PHF3: variants seen among roughly 807,000 people sequenced by gnomAD.
The protein encoded by PHF3 is PHD finger protein 3.
A neutral mutation model predicts 178.4 loss-of-function variants in PHF3; 41 were observed. That is an observed-to-expected ratio of 0.23 (90% CI 0.18 to 0.30). PHF3 has a LOEUF of 0.30. Among genes scored for constraint, PHF3 ranks in the 10% least tolerant of loss-of-function variants. The pLI, the probability that PHF3 is intolerant of heterozygous loss-of-function variation, is 1.00. For synonymous variants in PHF3, 842 were observed against 800.5 expected, an observed-to-expected ratio of 1.05 and a Z score of -0.88; for missense variants, 2,346 against 2,398.1, an observed-to-expected ratio of 0.98 and a Z score of 0.45.
chr6:63,688,748 T>A (rs1359208218), intron 4 of PHF3, among the ~76,000 whole-genome samples: 1 of 152,206 alleles, frequency 6.6e-6, no homozygotes, highest in Admixed American at 6.5e-5. Flanking sequence ...TCATGCAGGT[T>A]GCAATTTTCC....
chr6:63,713,077 G>A lies in PHF3; in HGVS notation c.5489G>A (p.Gly1830Glu). 6.2e-7 allele frequency: 1 copy of A among 1,614,000 alleles called. No homozygotes were observed. Among genetic ancestry groups the A allele is most frequent in the Middle Eastern group, 1.6e-4 (1 of 6,062 alleles). The change falls in exon 16 of 16, where the codon GGA becomes GAA. Residue 1830 changes from glycine to glutamate, a missense_variant. Gly to Glu is a moderately conservative substitution (Grantham distance 98). This residue lies in a region of PHF3 where 839 missense variants were observed against 806.9 expected (regional missense o/e 1.04). Transcript: ENST00000262043. ...AATTTTCCCCCACAAAGCATGTTTGGATTTCCACCACATTTGCCACCTCCA... is the reference window on the plus strand; with the variant it reads ...AATTTTCCCCCACAAAGCATGTTTGAATTTCCACCACATTTGCCACCTCCA... ...PPNFPPQSMF[G>E]FPPHLPPPLL... is the part of the protein sequence containing the mutation.
chr6:63,713,053 A>G lies in PHF3; in HGVS notation c.5465A>G (p.Asn1822Ser). The G allele has an allele frequency of 6.2e-7, 1 of 1,613,682 alleles. No individual in the cohort carries two copies. The highest frequency in any genetic ancestry group is 8.5e-7 in the Non-Finnish European group (1 of 1,179,914). Residue 1822 changes from asparagine to serine, a missense_variant, in exon 16 of 16, where the codon AAT becomes AGT. This residue lies in a region of PHF3 where 839 missense variants were observed against 806.9 expected (regional missense o/e 1.04). Transcript: ENST00000262043. ...GGATTTCCATTTCCAGGGCCTCCTAATTTTCCCCCACAAAGCATGTTTGGA... is the reference window on the plus strand; with the variant it reads ...GGATTTCCATTTCCAGGGCCTCCTAGTTTTCCCCCACAAAGCATGTTTGGA... ...PPGFPFPGPP[N>S]FPPQSMFGFP...
In PHF3 at chr6:63,721,783, T is replaced by G. The variant is rs200962604; in HGVS notation, c.*8075T>G. 1 of 1,542,064 alleles carries G rather than the reference T, an allele frequency of 6.5e-7. No individual in the cohort carries two copies. Among genetic ancestry groups the G allele is most frequent in the South Asian group, 1.2e-5 (1 of 82,200 alleles). On this transcript the variant is annotated 3_prime_UTR_variant, in exon 16 of 16. Coordinates refer to ENST00000262043, the MANE Select transcript of PHF3 (RefSeq NM_001370348.2). ...TGAACGGAACTATTTACTAAAGAGA[T>G]GCATAAAAAATCACCTGCAAGAAAG...
At chr6:63,702,827 G>A (rs1415184004) in intron 10 of PHF3, among the ~76,000 whole-genome samples, 188 bp downstream of exon 10, 5 of 152,196 alleles carry the variant, frequency 3.3e-5, no homozygotes, top group Non-Finnish European at 5.9e-5. Flanking sequence ...ATAGGTACCT[G>A]TTGAACAGTT....
In PHF3 at chr6:63,635,826, T is replaced by G. The variant is rs1764301115; in HGVS notation, c.-350T>G. The G allele has an allele frequency of 2.5e-6, 1 of 395,330 alleles. No individual in the cohort carries two copies. Among genetic ancestry groups the G allele is most frequent in the Non-Finnish European group, 4.5e-6 (1 of 223,952 alleles). 24.5% of individuals were successfully genotyped at this position (395,330 alleles called of 1,614,324 possible). ...CAGTGGGGTCACGTGACACGGCCCC[T>G]CTCCAGCTCCCGCGCCGCCGCCGCA... On this transcript the variant is annotated 5_prime_UTR_variant, in exon 1 of 16. Coordinates refer to ENST00000262043, the MANE Select transcript of PHF3 (RefSeq NM_001370348.2).
chr6:63,711,588 C>T lies in PHF3; in HGVS notation c.4000C>T (p.Leu1334Phe), dbSNP rs1047494433. The T allele has an allele frequency of 5.1e-6, 8 of 1,567,242 alleles. No homozygotes were observed. The highest frequency in any genetic ancestry group is 5.2e-6 in the Non-Finnish European group (6 of 1,163,894). The change falls in exon 16 of 16, where the codon CTT becomes TTT. Residue 1334 changes from leucine (L) to phenylalanine (F), a missense_variant and splice_region_variant. This residue lies in a region of PHF3 where 90 missense variants were observed against 136.6 expected (regional missense o/e 0.66). Transcript: ENST00000262043. ...TTGATGTTTTTGGTTTTATACAGGGCTTGAACTGCATAGACCTAATCTATT... is the reference window on the plus strand; with the variant it reads ...TTGATGTTTTTGGTTTTATACAGGGTTTGAACTGCATAGACCTAATCTATT... ...HPLVPFDGPG[L>F]ELHRPNLLLG...
At chr6:63,657,032 A>G (rs865784595) in intron 2 of PHF3, among the ~76,000 whole-genome samples, 28 of 151,926 alleles carry the variant, frequency 1.8e-4, no homozygotes, top group African/African-American at 6.5e-4. Flanking sequence ...TTCAATTTGG[A>G]GTGTGTTCTC....
In PHF3 at chr6:63,685,799, A is replaced by G; in HGVS notation, c.2077A>G (p.Asn693Asp). The G allele has an allele frequency of 6.2e-7, 1 of 1,613,986 alleles. No homozygotes were observed. The highest frequency in any genetic ancestry group is 8.5e-7 in the Non-Finnish European group (1 of 1,180,008). Residue 693 changes from asparagine (N) to aspartate (D), a missense_variant, in exon 4 of 16, where the codon AAC (asparagine) becomes GAC (aspartate). Transcript: ENST00000262043. ...LDEPPLFIPDNIATIRREGSD... is the reference protein window; with the variant it reads ...LDEPPLFIPDDIATIRREGSD... ...TGAGCCACCATTGTTCATTCCAGATAACATAGCTACCATAAGAAGAGAAGG... is the reference window on the plus strand; with the variant it reads ...TGAGCCACCATTGTTCATTCCAGATGACATAGCTACCATAAGAAGAGAAGG...
rs557168294 is a variant in PHF3 at position 63,707,959 on chromosome 6, C to T, written c.3711+1083C>T. On this transcript the variant is annotated intron_variant, in intron 13 of 15. Transcript: ENST00000262043. ...TTGGCTTGCTGCAATGTCTGCCTCC[C>T]GGGTTCAACCATTCTCCTGTCTCAG... Among the ~76,000 whole-genome samples, 25 of 151,980 alleles carry T rather than the reference C, an allele frequency of 1.6e-4. No homozygotes were observed. The South Asian group carries it at 1.7e-3, about 10-fold the overall frequency.
In PHF3 at chr6:63,721,197, C is replaced by T. The variant is rs1161453292; in HGVS notation, c.*7489C>T. 2.4e-5 allele frequency: 37 copies of T among 1,551,524 alleles called. No homozygotes were observed. The highest frequency in any genetic ancestry group is 2.9e-5 in the Non-Finnish European group (33 of 1,146,916). On this transcript the variant is annotated 3_prime_UTR_variant, in exon 16 of 16. Coordinates refer to ENST00000262043, the MANE Select transcript of PHF3 (RefSeq NM_001370348.2). ...TGAAGTTTTGTTTTCACAATACCTT[C>T]CCACCCAACCCAAAGTACACAGGCA...
At chr6:63,681,522 C>G (rs1278402305) in intron 3 of PHF3, among the ~76,000 whole-genome samples, 1 of 151,770 alleles carries the variant, frequency 6.6e-6, no homozygotes, top group Non-Finnish European at 1.5e-5. Context: ...CTTTAACGTG[C>G]TTAAATTTTC....
At position 63,714,364 on chromosome 6, in the gene PHF3, G is replaced by A. The variant is rs1375191798; in HGVS notation, c.*656G>A. The A allele has an allele frequency of 6.6e-6, 1 of 152,452 alleles. No individual in the cohort carries two copies. Among genetic ancestry groups the A allele is most frequent in the East Asian group, 1.9e-4 (1 of 5,198 alleles). 9.4% of individuals were successfully genotyped at this position (152,452 alleles called of 1,614,324 possible). A position where few individuals can be genotyped will look rare whatever the true frequency, so the allele number is the denominator to read the frequency against. ...AACTTGAATACTTAAGCTTGTACAT[G>A]ATCTTGTGTTTTGCTATCCTTTTTA... On this transcript the variant is annotated 3_prime_UTR_variant, in exon 16 of 16. Transcript: ENST00000262043.
At chr6:63,709,762 C>T (rs952249278) in intron 14 of PHF3, among the ~76,000 whole-genome samples, 5 of 152,216 alleles carry the variant, frequency 3.3e-5, no homozygotes, top group African/African-American at 7.2e-5. Context: ...TACATAGCTG[C>T]TAGGGAGGCT....
rs769369296 is a variant in PHF3 at position 63,713,641 on chromosome 6, G to A, written c.6053G>A (p.Gly2018Glu). 1 of 1,611,908 alleles carries A rather than the reference G, an allele frequency of 6.2e-7. No homozygotes were observed. The highest frequency in any genetic ancestry group is 1.1e-5 in the South Asian group (1 of 90,760). ...KEREKSKHRE[G>E]EKDRDRYHKD... Reference sequence around the variant, plus strand: ...CGAGAGAAAAGTAAACACAGAGAAGGAGAAAAGGACAGGGATAGGTACCAC... The same window carrying A: ...CGAGAGAAAAGTAAACACAGAGAAGAAGAAAAGGACAGGGATAGGTACCAC... Residue 2018 changes from glycine to glutamate, a missense_variant, in exon 16 of 16, where the codon GGA becomes GAA. Around this residue, in one of 8 missense-constraint regions of PHF3, gnomAD observed 839 missense variants for 806.9 expected, o/e 1.04. Transcript: ENST00000262043.
Position 63,713,902 on chromosome 6 carries a change from G to A in PHF3, c.*194G>A, listed in dbSNP as rs554423807. 51 of 426,944 alleles carry A rather than the reference G, an allele frequency of 1.2e-4. 1 individual carries two copies. The highest frequency in any genetic ancestry group is 9.4e-4 in the African/African-American group (46 of 48,740). The allele number at this position is 426,944 out of a possible 1,614,324, so 26.4% of individuals were successfully genotyped here. On this transcript the variant is annotated 3_prime_UTR_variant, in exon 16 of 16. Transcript: ENST00000262043. ...CTCATCATCCCTTCTTCATACCAACGGTCCCTAGTTATAGGAATTTAATAT... is the reference window on the plus strand; with the variant it reads ...CTCATCATCCCTTCTTCATACCAACAGTCCCTAGTTATAGGAATTTAATAT...
intron 5 of PHF3, among the ~76,000 whole-genome samples, chr6:63,692,952 T>A (rs1767069836): frequency 6.6e-6 from 1 of 152,226 alleles, no homozygotes; most frequent in Non-Finnish European, 1.5e-5. Flanking sequence ...TTCTCCAGAA[T>A]CTTACCTATT....
rs768467691 is a variant in PHF3, at chr6:63,712,871, G to A, written c.5283G>A (p.Ala1761=). Residue 1761 remains alanine, a synonymous_variant, in exon 16 of 16, where the codon GCG becomes GCA. Transcript: ENST00000262043. The stretch of plus-strand genomic sequence containing the variant: ...CATTTCGAAGAGGATCAGCAGTAGC[G>A]ACATCTCATTTTGAAGTTGGAAACA... ...VHPFRRGSAV[A]TSHFEVGNTC... 12 of 1,613,830 alleles carry A rather than the reference G, an allele frequency of 7.4e-6. No individual in the cohort carries two copies. The highest frequency in any genetic ancestry group is 1.3e-5 in the African/African-American group (1 of 74,894).
chr6:63,706,972 T>C (rs1161541201), intron 13 of PHF3, 96 bp downstream of exon 13: 1 of 1,039,312 alleles, frequency 9.6e-7, no homozygotes, highest in African/African-American at 1.6e-5. Context: ...GTAATAGAAA[T>C]ATTTATTAAC....
intron 4 of PHF3, among the ~76,000 whole-genome samples, chr6:63,688,908 C>T (rs988317992): frequency 2.0e-5 from 3 of 152,216 alleles, no homozygotes; most frequent in African/African-American, 7.2e-5. Context: ...AGCTTTGCCT[C>T]TGTAAAGACT....
Sources: gnomAD v4.1 joint callset for allele counts (sites outside exome capture counted in the v4.1 genomes callset) on GRCh38, gnomAD v4.1.1 for gene constraint, gnomAD v4.1.1 regional missense constraint, MANE v1.5 for transcripts, NCBI Gene and HGNC (gene_info 2026-07-23, HGNC 2026-07-21) for gene names.